The following KICS2 variants were observed in gnomAD, a reference collection of about 807,000 sequenced individuals.
KICS2 encodes KICSTOR subunit 2.
KICS2 carries 13 observed loss-of-function variants against 31.4 expected under a neutral mutation model. The observed-to-expected ratio is 0.41, with a 90% CI of 0.27 to 0.66. The LOEUF (loss-of-function observed/expected upper bound fraction) is 0.66. Among genes scored for constraint, KICS2 ranks in the 30% least tolerant of loss-of-function variants. The probability of loss-of-function intolerance (pLI) is 0.28; values close to 1 mark genes in which losing one functional copy is unlikely to be tolerated. For missense variants in KICS2, 455 were observed against 545.4 expected (o/e 0.83, Z 1.65); for synonymous variants, 209 against 214.8 (o/e 0.97, Z 0.24).
Position 64,194,600 on chromosome 12 carries a change from G to A in KICS2, c.580C>T (p.Leu194=). ...ESSFQLEVDV[L]CHLLKAQAQV... ...GCCTGGGCTTTCAGGAGATGACACA[G>A]GACGTCAACTTCCAGCTGGAAACTG... The change falls in exon 3 of 3, where the codon CTG becomes TTG. Residue 194 remains leucine (L), a synonymous_variant. Coordinates refer to ENST00000398055, the MANE Select transcript of KICS2 (RefSeq NM_152440.5). 1 of 1,614,154 alleles carries A rather than the reference G, an allele frequency of 6.2e-7. No individual in the cohort carries two copies. The highest frequency in any genetic ancestry group is 1.3e-5 in the African/African-American group (1 of 75,024).
Position 64,192,108 on chromosome 12 carries a change from T to C in KICS2, c.*1734A>G, listed in dbSNP as rs541690891. ...TCCCAGAAAATAAAAAATAGGCCAG[T>C]AGATTCTTGGTTCTTCTTCTTCTTT... On this transcript the variant is annotated 3_prime_UTR_variant, in exon 3 of 3. Coordinates refer to ENST00000398055, the MANE Select transcript of KICS2 (RefSeq NM_152440.5). 4.6e-4 allele frequency: 68 copies of C among 147,296 alleles called. No individual in the cohort carries two copies. Among genetic ancestry groups the C allele is most frequent in the African/African-American group, 1.6e-3 (65 of 39,974 alleles). 9.1% of individuals were successfully genotyped at this position (147,296 alleles called of 1,614,324 possible).
chr12:64,194,416 A>G lies in KICS2; in HGVS notation c.764T>C (p.Phe255Ser). 2 of 1,614,198 alleles carry G rather than the reference A, an allele frequency of 1.2e-6. No homozygotes were observed. The highest frequency in any genetic ancestry group is 1.7e-6 in the Non-Finnish European group (2 of 1,180,036). Residue 255 changes from phenylalanine (F) to serine (S), a missense_variant, in exon 3 of 3, where the codon TTC (phenylalanine) becomes TCC (serine). Transcript: ENST00000398055. ...SQKAVQPPHL[F>S]LWLMKLKNML... ...GTTTTTGAGTTTCATCAGCCAAAGG[A>G]AAAGGTGTGGAGGCTGCACGGCCTT...
intron 2 of KICS2, among the ~76,000 whole-genome samples, chr12:64,203,907 T>TACTATGGA (rs1169405271): frequency 6.6e-6 from 1 of 152,186 alleles, no homozygotes; most frequent in East Asian, 1.9e-4. Context: ...AGTCTAATAA[T>TACTATGGA]ATACACAATC....
At chr12:64,196,366 C>G (rs1317222324) in intron 2 of KICS2, among the ~76,000 whole-genome samples, 4 of 151,584 alleles carry the variant, frequency 2.6e-5, no homozygotes, top group South Asian at 2.1e-4. Flanking sequence ...GCAGGGTATT[C>G]CAACAGACCT....
At chr12:64,190,645 G>A (rs2037371496), downstream of KICS2, among the ~76,000 whole-genome samples, 1 of 151,880 alleles carries the variant, frequency 6.6e-6, no homozygotes, top group Non-Finnish European at 1.5e-5. Context: ...AGCTACTCGG[G>A]AGGCTGAGGC....
At chr12:64,206,888 G>C (rs939138759) in intron 2 of KICS2, among the ~76,000 whole-genome samples, 2 of 152,130 alleles carry the variant, frequency 1.3e-5, no homozygotes, top group East Asian at 1.9e-4. Context: ...GGGCTGGGAG[G>C]GGGGAAAATG....
rs368617422 is a variant in KICS2, at chr12:64,201,631, A to C, written c.522-6973T>G. ...AAAAAAAAAAAAAGAAAAAAAAAAA[A>C]AACAAAATGGTGGCCAGCCTGGCCA... On this transcript the variant is annotated intron_variant, in intron 2 of 2. Transcript: ENST00000398055. 1.8e-3 allele frequency among the ~76,000 whole-genome samples: 261 copies of C among 148,258 alleles called. 3 individuals carry two copies. The highest frequency in any genetic ancestry group is 6.9e-3 in the Middle Eastern group (2 of 290).
At chr12:64,207,795 A>G (rs534315967) in intron 2 of KICS2, among the ~76,000 whole-genome samples, 1 of 152,286 alleles carries the variant, frequency 6.6e-6, no homozygotes, top group African/African-American at 2.4e-5. Flanking sequence ...ACAAGTGTAA[A>G]TTTGGAAGTC....
chr12:64,194,092 T>C lies in KICS2; in HGVS notation c.1088A>G (p.Asn363Ser), dbSNP rs1172798685. Residue 363 changes from asparagine (N) to serine (S), a missense_variant, in exon 3 of 3, where the codon AAT (asparagine) becomes AGT (serine). By Grantham distance (46) the Asn-to-Ser change is conservative. Transcript: ENST00000398055. ...PSDRPVMHWP[N>S]VIMIMTDRTS... is the part of the protein sequence containing the mutation. ...GCGGTCCGTCATGATCATGATGACA[T>C]TGGGCCAGTGCATGACTGGCCTGTC... 16 of 1,614,022 alleles carry C rather than the reference T, an allele frequency of 9.9e-6. No individual in the cohort carries two copies. Among genetic ancestry groups the C allele is most frequent in the Middle Eastern group, 1.6e-4 (1 of 6,084 alleles).
At chr12:64,219,042 A>G (rs1022724429) in intron 1 of KICS2, among the ~76,000 whole-genome samples, 2 of 152,208 alleles carry the variant, frequency 1.3e-5, no homozygotes, top group African/African-American at 4.8e-5. Context: ...TAATTTAAAA[A>G]ATATGATTAC....
intron 2 of KICS2, among the ~76,000 whole-genome samples, chr12:64,198,842 G>GA (rs1341228930): frequency 6.6e-6 from 1 of 150,604 alleles, no homozygotes. Context: ...AAATAAACTA[G>GA]AAAATCTAGA....
In KICS2 at chr12:64,194,257, T is replaced by C; in HGVS notation, c.923A>G (p.Tyr308Cys). The C allele has an allele frequency of 1.2e-6, 2 of 1,614,228 alleles. No individual in the cohort carries two copies. Among genetic ancestry groups the C allele is most frequent in the East Asian group, 2.2e-5 (1 of 44,882 alleles). The change falls in exon 3 of 3, where the codon TAT becomes TGT. Residue 308 changes from tyrosine to cysteine, a missense_variant. Coordinates refer to ENST00000398055, the MANE Select transcript of KICS2 (RefSeq NM_152440.5). ...AATTAAGGACACATTGGCAGCATCA[T>C]ATTTTCTGATGAAGCTGGAAATCTT... ...FGKISSFIRK[Y>C]DAANVSLIFD...
intron 2 of KICS2, among the ~76,000 whole-genome samples, chr12:64,211,392 G>C (rs2037580899): frequency 6.6e-6 from 1 of 152,178 alleles, no homozygotes; most frequent in African/African-American, 2.4e-5. Flanking sequence ...GAGGTGGGGG[G>C]ATCATTTGAG....
At chr12:64,221,892 G>C in intron 1 of KICS2, 111 bp downstream of exon 1, 1 of 1,206,018 alleles carries the variant, frequency 8.3e-7, no homozygotes, top group Non-Finnish European at 1.1e-6. Context: ...ATGCCGAGTC[G>C]AGCCTGCGAC....
At chr12:64,201,776 G>A (rs2037492837) in intron 2 of KICS2, among the ~76,000 whole-genome samples, 1 of 151,902 alleles carries the variant, frequency 6.6e-6, no homozygotes, top group Non-Finnish European at 1.5e-5. Flanking sequence ...CTGGGGTGGG[G>A]GGGCAAGGTT....
chr12:64,209,685 T>C (rs550282214), intron 2 of KICS2, among the ~76,000 whole-genome samples: 2 of 152,346 alleles, frequency 1.3e-5, no homozygotes, highest in African/African-American at 4.8e-5. Context: ...AACCAAAATA[T>C]ACTTTCCATT....
chr12:64,209,872 G>C (rs2037568701), intron 2 of KICS2, among the ~76,000 whole-genome samples: 1 of 152,180 alleles, frequency 6.6e-6, no homozygotes, highest in Admixed American at 6.5e-5. Flanking sequence ...GTTCTGACAT[G>C]GATCAGCTAC....
At chr12:64,190,384 T>C (rs1007154333), downstream of KICS2, among the ~76,000 whole-genome samples, 10 of 152,084 alleles carry the variant, frequency 6.6e-5, no homozygotes, top group Non-Finnish European at 1.3e-4. Context: ...ACAAACAAAA[T>C]TGTGAGTCTG....
intron 2 of KICS2, among the ~76,000 whole-genome samples, chr12:64,197,777 C>CA (rs1369988624): frequency 8.1e-5 from 12 of 148,044 alleles, no homozygotes; most frequent in African/African-American, 2.8e-4. Context: ...AAATGGAAAA[C>CA]AAAAAAAGGC....
Sources: gnomAD v4.1 joint callset for allele counts (sites outside exome capture counted in the v4.1 genomes callset) on GRCh38, gnomAD v4.1.1 for gene constraint, MANE v1.5 for transcripts, NCBI Gene and HGNC (gene_info 2026-07-23, HGNC 2026-07-21) for gene names.